Variants in DLG2 observed in about 807,000 individuals in gnomAD.
DLG2 encodes disks large homolog 2.
In DLG2, 45 loss-of-function variants were observed where a neutral mutation model predicts 132.5. The ratio of observed to expected loss-of-function variants is 0.34; its 90% CI spans 0.27 to 0.44. The LOEUF (loss-of-function observed/expected upper bound fraction) is 0.44. DLG2 is among the 20% of genes least tolerant of loss of function. The pLI is 1.00. For synonymous variants in DLG2, 424 were observed against 419.6 expected (o/e 1.01, Z -0.13); for missense variants, 1,045 against 1,196.9 (o/e 0.87, Z 1.87).
At chr11:85,387,280 C>T (rs1475005468) in intron 3 of DLG2, among the ~76,000 whole-genome samples, 1 of 152,082 alleles carries the variant, frequency 6.6e-6, no homozygotes, top group African/African-American at 2.4e-5. Context: ...ATAACATTTC[C>T]TTGTCTTAAT....
At chr11:85,068,098 A>G (rs915699962) in intron 6 of DLG2, among the ~76,000 whole-genome samples, 9 of 152,142 alleles carry the variant, frequency 5.9e-5, no homozygotes, top group African/African-American at 9.7e-5. Context: ...ACAAAATTCA[A>G]CAGCCCTTCA....
chr11:83,974,760 G>A (rs1193539166), intron 12 of DLG2, among the ~76,000 whole-genome samples: 1 of 152,036 alleles, frequency 6.6e-6, no homozygotes, highest in Non-Finnish European at 1.5e-5. Flanking sequence ...AGATGGATGT[G>A]ACTTGCCCAA....
chr11:85,376,245 G>T (rs746036381), intron 3 of DLG2, among the ~76,000 whole-genome samples: 1 of 152,188 alleles, frequency 6.6e-6, no homozygotes, highest in Non-Finnish European at 1.5e-5. Context: ...AAATCTAACT[G>T]GAGGTGTCAG....
intron 9 of DLG2, among the ~76,000 whole-genome samples, chr11:84,141,462 AAC>A (rs1414134070): frequency 6.6e-6 from 1 of 152,162 alleles, no homozygotes; most frequent in Admixed American, 6.6e-5. Flanking sequence ...TGCATAAACA[AAC>A]ACACACTCTC....
intron 7 of DLG2, among the ~76,000 whole-genome samples, chr11:84,521,885 G>A (rs1053231347): frequency 1.3e-5 from 2 of 152,172 alleles, no homozygotes; most frequent in African/African-American, 4.8e-5. Context: ...TTTGGGCTGG[G>A]CATGGTGGCT....
chr11:84,453,325 G>A (rs1157466282), intron 7 of DLG2, among the ~76,000 whole-genome samples: 1 of 151,662 alleles, frequency 6.6e-6, no homozygotes, highest in Non-Finnish European at 1.5e-5. Context: ...TTACTGAACT[G>A]TAAATCCTAT....
At chr11:84,569,017 A>G (rs757899715) in intron 6 of DLG2, among the ~76,000 whole-genome samples, 1 of 152,184 alleles carries the variant, frequency 6.6e-6, no homozygotes, top group Non-Finnish European at 1.5e-5. Context: ...CAGCCAGAGA[A>G]CACATCCTAT....
At chr11:83,493,173 G>T (rs1358374437) in intron 21 of DLG2, among the ~76,000 whole-genome samples, 1 of 151,982 alleles carries the variant, frequency 6.6e-6, no homozygotes, top group Non-Finnish European at 1.5e-5. Context: ...CTTTGCTCTT[G>T]CTGTTCCCTC....
In DLG2 at chr11:83,512,154, A is replaced by T. The variant is rs949610559; in HGVS notation, c.2193+20554T>A. Among the ~76,000 whole-genome samples, 5 of 152,292 alleles carry T rather than the reference A, an allele frequency of 3.3e-5. No homozygotes were observed. In the East Asian group the frequency reaches 9.6e-4, roughly 29 times the overall value. On this transcript the variant is annotated intron_variant, in intron 21 of 27. Transcript: ENST00000376104. ...AAATTGTTAGGTAGAGAACTAGCAAAGCACAGTTCAGGCAGAGGAAAGGCC... is the reference window on the plus strand; with the variant it reads ...AAATTGTTAGGTAGAGAACTAGCAATGCACAGTTCAGGCAGAGGAAAGGCC...
At chr11:84,256,700 T>A (rs867860868) in intron 7 of DLG2, among the ~76,000 whole-genome samples, 1 of 152,188 alleles carries the variant, frequency 6.6e-6, no homozygotes, top group African/African-American at 2.4e-5. Context: ...AGATTTCTTG[T>A]CTATTTAGAG....
chr11:85,435,449 G>A (rs1795701447), intron 3 of DLG2, among the ~76,000 whole-genome samples: 1 of 152,072 alleles, frequency 6.6e-6, no homozygotes, highest in Admixed American at 6.6e-5. Context: ...AAGCTGATAA[G>A]CAACTTCAGC....
At chr11:83,817,132 T>C (rs1453585576) in intron 17 of DLG2, among the ~76,000 whole-genome samples, 5 of 152,128 alleles carry the variant, frequency 3.3e-5, no homozygotes, top group South Asian at 2.1e-4. Flanking sequence ...TGGCTTACAA[T>C]AGAGTAAGGA....
chr11:84,568,150 A>G (rs1278812507), intron 6 of DLG2, among the ~76,000 whole-genome samples: 2 of 152,212 alleles, frequency 1.3e-5, no homozygotes, highest in Admixed American at 1.3e-4. Context: ...ACCATACGTG[A>G]TAAGTAACCA....
At chr11:83,909,740 T>C (rs910957655) in intron 15 of DLG2, among the ~76,000 whole-genome samples, 1 of 152,166 alleles carries the variant, frequency 6.6e-6, no homozygotes, top group Non-Finnish European at 1.5e-5. Context: ...TTATGCTTCA[T>C]CAAATGATTA....
At chr11:85,603,539 T>G (rs527395912) in intron 2 of DLG2, among the ~76,000 whole-genome samples, 3 of 152,242 alleles carry the variant, frequency 2.0e-5, no homozygotes, top group Non-Finnish European at 4.4e-5. Flanking sequence ...CTTTTTTTTT[T>G]TAATACAATT....
At chr11:84,028,420 T>A (rs1266403007) in intron 11 of DLG2, among the ~76,000 whole-genome samples, 4 of 152,200 alleles carry the variant, frequency 2.6e-5, no homozygotes, top group Non-Finnish European at 5.9e-5. Context: ...CTCAATCTAG[T>A]CTCTATCACA....
intron 6 of DLG2, among the ~76,000 whole-genome samples, chr11:84,564,750 G>A (rs1190123455): frequency 6.6e-6 from 1 of 152,118 alleles, no homozygotes; most frequent in Admixed American, 6.5e-5. Flanking sequence ...ATGATTCAGT[G>A]ATTTTCTCAA....
At chr11:84,346,996 ATATTTAAAAAG>A (rs1454439927) in intron 7 of DLG2, among the ~76,000 whole-genome samples, 1 of 152,144 alleles carries the variant, frequency 6.6e-6, no homozygotes, top group Non-Finnish European at 1.5e-5. Flanking sequence ...ATTGCAGATA[ATATTTAAAAAG>A]TAATTATGGC....
intron 19 of DLG2, among the ~76,000 whole-genome samples, chr11:83,547,843 T>C (rs1231509766): frequency 6.6e-6 from 1 of 152,158 alleles, no homozygotes; most frequent in East Asian, 1.9e-4. Flanking sequence ...AGTGAGGTGC[T>C]ATGTAACAAA....
Sources: allele counts gnomAD v4.1 joint callset (sites outside exome capture counted in the v4.1 genomes callset), GRCh38; gene constraint gnomAD v4.1.1; transcripts MANE v1.5; gene names NCBI Gene and HGNC (gene_info 2026-07-23, HGNC 2026-07-21).